HSF2: variants seen among roughly 807,000 people sequenced by gnomAD.
The protein encoded by HSF2 is heat shock transcription factor 2, also known as heat shock factor protein 2.
Under a neutral mutation model 65.0 loss-of-function variants are expected in HSF2, and 21 were observed. That is an observed-to-expected ratio of 0.32 (90% CI 0.23 to 0.47). The LOEUF (loss-of-function observed/expected upper bound fraction) is 0.47. Ranked by LOEUF, HSF2 falls within the 20% of genes least tolerant of loss-of-function variation. The pLI, the probability that HSF2 is intolerant of heterozygous loss-of-function variation, is 1.00. For synonymous variants in HSF2, 225 were observed against 219.1 expected, an observed-to-expected ratio of 1.03 and a Z score of -0.24; for missense variants, 499 against 628.1, an observed-to-expected ratio of 0.79 and a Z score of 2.20.
At chr6:122,406,298 A>C (rs1773865432) in intron 1 of HSF2, among the ~76,000 whole-genome samples, 1 of 152,170 alleles carries the variant, frequency 6.6e-6, no homozygotes, top group Non-Finnish European at 1.5e-5. Flanking sequence ...TTGAGGAGAG[A>C]TCTAAATGAT....
chr6:122,413,490 T>A, intron 3 of HSF2, 35 bp from the exon 4 acceptor site: 4 of 1,480,380 alleles, frequency 2.7e-6, no homozygotes, highest in Non-Finnish European at 2.8e-6. Context: ...GGGTGTTTAC[T>A]GTTTCTTTGA....
At chr6:122,404,694 C>G (rs1354638012) in intron 1 of HSF2, among the ~76,000 whole-genome samples, 2 of 152,192 alleles carry the variant, frequency 1.3e-5, no homozygotes, top group Non-Finnish European at 2.9e-5. Flanking sequence ...TCCCACCTCA[C>G]TCAGTAGTAG....
chr6:122,416,138 T>A, intron 4 of HSF2, 83 bp from the exon 5 acceptor site: 1 of 826,604 alleles, frequency 1.2e-6, no homozygotes, highest in Non-Finnish European at 2.0e-6. Context: ...TTCAGTTGTC[T>A]GGTATTCTTA....
chr6:122,422,689 A>C (rs370934954), intron 8 of HSF2, 29 bp from the exon 9 acceptor site: 1 of 1,608,268 alleles, frequency 6.2e-7, no homozygotes, highest in African/African-American at 1.3e-5. Flanking sequence ...TGAAAATGTA[A>C]TAGGTTCCTT....
chr6:122,399,978 C>G, intron 1 of HSF2, 148 bp downstream of exon 1: 1 of 624,436 alleles, frequency 1.6e-6, no homozygotes, highest in South Asian at 1.9e-5. Flanking sequence ...TCGCGGGGGA[C>G]CCCCTGTATT....
At position 122,412,471 on chromosome 6, in the gene HSF2, A is replaced by G; in HGVS notation, c.192A>G (p.Gln64=). The G allele has an allele frequency of 6.2e-7, 1 of 1,600,594 alleles. No homozygotes were observed. Among genetic ancestry groups the G allele is most frequent in the Non-Finnish European group, 8.6e-7 (1 of 1,167,892 alleles). Residue 64 remains glutamine (Q), a synonymous_variant, in exon 2 of 13, where the codon CAA becomes CAG. Transcript: ENST00000368455. ...ATAATATGGCAAGCTTTGTGAGGCAACTGAATATGTGTGAGTATGGACAGC... is the reference window on the plus strand; with the variant it reads ...ATAATATGGCAAGCTTTGTGAGGCAGCTGAATATGTGTGAGTATGGACAGC... ...KHNNMASFVR[Q]LNMYGFRKVV...
Position 122,406,959 on chromosome 6 carries a change from G to C in HSF2, c.94-5414G>C, listed in dbSNP as rs186102215. Among the ~76,000 whole-genome samples the C allele has an allele frequency of 3.7e-4, 56 of 152,274 alleles. No individual in the cohort carries two copies. The East Asian group carries it at 8.5e-3, about 23-fold the overall frequency. ...GTCCAAGTGGAAATGTTGAATAGGT[G>C]GTTGAGTATAAGACTTTGGCATTCA... On this transcript the variant is annotated intron_variant, in intron 1 of 12. Coordinates refer to ENST00000368455, the MANE Select transcript of HSF2 (RefSeq NM_004506.4).
At chr6:122,427,549 TGC>T (rs1774364309) in intron 10 of HSF2, among the ~76,000 whole-genome samples, 1 of 151,666 alleles carries the variant, frequency 6.6e-6, no homozygotes, top group Non-Finnish European at 1.5e-5. Flanking sequence ...GTCTCAACCC[TGC>T]ACACCACTTA....
At chr6:122,426,438 G>A (rs1315374756) in intron 10 of HSF2, among the ~76,000 whole-genome samples, 3 of 152,024 alleles carry the variant, frequency 2.0e-5, no homozygotes, top group Non-Finnish European at 4.4e-5. Flanking sequence ...TGGGCAAAGA[G>A]GAGAATAGAG....
chr6:122,407,591 G>GT lies in HSF2; in HGVS notation c.94-4771dup, dbSNP rs11367024. ...GAAATGTTTGTTTTGCCATTTTTCT[G>GT]TTTTTTTTTTTATTATTTGTGAGAA... On this transcript the variant is annotated intron_variant, in intron 1 of 12. Coordinates refer to ENST00000368455, the MANE Select transcript of HSF2 (RefSeq NM_004506.4). 1.7e-3 allele frequency among the ~76,000 whole-genome samples: 248 copies of GT among 148,522 alleles called. 3 individuals carry two copies. Among genetic ancestry groups the GT allele is most frequent in the Admixed American group, 0.012 (184 of 14,962 alleles).
Position 122,432,309 on chromosome 6 carries a change from T to A in HSF2, c.*89T>A. On this transcript the variant is annotated 3_prime_UTR_variant, in exon 13 of 13. Coordinates refer to ENST00000368455, the MANE Select transcript of HSF2 (RefSeq NM_004506.4). The stretch of plus-strand genomic sequence containing the variant: ...TATCATTTGGTACTTTTTTTGTAAA[T>A]TGCTTTGTTTTGTTTAATCAGATAC... 4 of 1,121,026 alleles carry A rather than the reference T, an allele frequency of 3.6e-6. No homozygotes were observed. Among genetic ancestry groups the A allele is most frequent in the Non-Finnish European group, 5.1e-6 (4 of 781,444 alleles). 69.4% of individuals were successfully genotyped at this position (1,121,026 alleles called of 1,614,324 possible). A position where few individuals can be genotyped will look rare whatever the true frequency, so the allele number is the denominator to read the frequency against.
At chr6:122,411,352 A>G (rs562771095) in intron 1 of HSF2, among the ~76,000 whole-genome samples, 10 of 151,546 alleles carry the variant, frequency 6.6e-5, no homozygotes, top group South Asian at 2.1e-4. Flanking sequence ...AGTTATGTCT[A>G]TGTTCTGGAT....
chr6:122,400,538 C>A (rs1457660821), intron 1 of HSF2, among the ~76,000 whole-genome samples: 2 of 152,148 alleles, frequency 1.3e-5, no homozygotes, highest in Non-Finnish European at 2.9e-5. Context: ...TGAACAGTTA[C>A]CAGCAGAGGG....
intron 1 of HSF2, among the ~76,000 whole-genome samples, chr6:122,406,739 G>A (rs1270520998): frequency 6.6e-6 from 1 of 151,942 alleles, no homozygotes; most frequent in Admixed American, 6.6e-5. Context: ...ATTCTTTTTG[G>A]CATATTAACT....
chr6:122,426,829 C>T (rs1774348555), intron 10 of HSF2, among the ~76,000 whole-genome samples: 1 of 151,946 alleles, frequency 6.6e-6, no homozygotes, highest in Non-Finnish European at 1.5e-5. Flanking sequence ...CAGGCCATTC[C>T]CAAGGCTCTT....
intron 1 of HSF2, 29 bp downstream of exon 1, chr6:122,399,859 C>A (rs1476471832): frequency 5.2e-6 from 8 of 1,531,644 alleles, no homozygotes; most frequent in Non-Finnish European, 7.2e-6. Context: ...GGCCTCTGAA[C>A]CCCCTGAATA....
chr6:122,409,619 T>G lies in HSF2; in HGVS notation c.94-2754T>G, dbSNP rs981340447. ...CTGGTTATTGTCAAGGGTTGTAAAT[T>G]TAATCTAATAAGGGAAAATCATTAT... On this transcript the variant is annotated intron_variant, in intron 1 of 12. Transcript: ENST00000368455. 9.9e-5 allele frequency among the ~76,000 whole-genome samples: 15 copies of G among 152,126 alleles called. 1 individual carries two copies. In the South Asian group the frequency reaches 3.1e-3, roughly 32 times the overall value.
At chr6:122,422,596 T>A in intron 8 of HSF2, 122 bp from the exon 9 acceptor site, 1 of 1,009,546 alleles carries the variant, frequency 9.9e-7, no homozygotes, top group African/African-American at 1.6e-5. Flanking sequence ...AGCTGCTCGC[T>A]CAAGAAATTT....
rs117780895 is a variant in HSF2, at chr6:122,410,815, T to G, written c.94-1558T>G. Among the ~76,000 whole-genome samples the G allele has an allele frequency of 9.9e-5, 15 of 152,040 alleles. No homozygotes were observed. The East Asian group carries it at 2.9e-3, about 29-fold the overall frequency. On this transcript the variant is annotated intron_variant, in intron 1 of 12. Coordinates refer to ENST00000368455, the MANE Select transcript of HSF2 (RefSeq NM_004506.4). Reference sequence around the variant, plus strand: ...TTATCCATATATATTTCACCATGTGTTGGTGGATACTGAAGTTACTTCTAC... The same window carrying G: ...TTATCCATATATATTTCACCATGTGGTGGTGGATACTGAAGTTACTTCTAC...
Sources: allele counts gnomAD v4.1 joint callset (sites outside exome capture counted in the v4.1 genomes callset), GRCh38; gene constraint gnomAD v4.1.1; transcripts MANE v1.5; gene names NCBI Gene and HGNC (gene_info 2026-07-23, HGNC 2026-07-21).